USH1C: variants seen among roughly 807,000 people sequenced by gnomAD.
USH1C encodes USH1 protein network component harmonin.
Under a neutral mutation model 119.3 loss-of-function variants are expected in USH1C, and 90 were observed. The ratio of observed to expected loss-of-function variants is 0.75; its 90% CI spans 0.64 to 0.90. The LOEUF is 0.90. Among genes scored for constraint, USH1C ranks in the 40% least tolerant of loss-of-function variants. USH1C has a pLI of 0.00. For synonymous variants in USH1C, 465 were observed against 443.3 expected, an observed-to-expected ratio of 1.05 and a Z score of -0.62; for missense variants, 1,165 against 1,167.7, an observed-to-expected ratio of 1.00 and a Z score of 0.03.
chr11:17,544,381 G>GCCGCGA lies in USH1C; in HGVS notation c.-80_-75dup, dbSNP rs1851612000. 9 of 1,606,286 alleles carry GCCGCGA rather than the reference G, an allele frequency of 5.6e-6. No individual in the cohort carries two copies. In the South Asian group the frequency reaches 9.9e-5, roughly 18 times the overall value. On this transcript the variant is annotated 5_prime_UTR_variant, in exon 1 of 27. Transcript: ENST00000005226. ...GCCCGGCTGCCAGGAGCTGGAAAGAGCCGCGACCGCGACCGGGCCAGCCGC... is the reference window on the plus strand; with the variant it reads ...GCCCGGCTGCCAGGAGCTGGAAAGAGCCGCGACCGCGACCGCGACCGGGCCAGCCGC...
Position 17,531,678 on chromosome 11 carries a change from G to T in USH1C, c.105-136C>A. The T allele has an allele frequency of 8.6e-7, 1 of 1,156,986 alleles. No homozygotes were observed. Among genetic ancestry groups the T allele is most frequent in the Non-Finnish European group, 1.2e-6 (1 of 808,530 alleles). 71.7% of individuals were successfully genotyped at this position (1,156,986 alleles called of 1,614,324 possible). Reference sequence around the variant, plus strand: ...GTAGACCACTCCTGAAAAGCCCAGAGCTCTTCACACCGGGCCAGTGCCTGA... The same window carrying T: ...GTAGACCACTCCTGAAAAGCCCAGATCTCTTCACACCGGGCCAGTGCCTGA... On this transcript the variant is annotated intron_variant, in intron 2 of 26. Transcript: ENST00000005226. The surrounding 1 kb of genome is among the most constrained non-coding windows in gnomAD (Gnocchi z 4.2).
chr11:17,497,289 G>C (rs1227788196), intron 24 of USH1C, among the ~76,000 whole-genome samples: 1 of 152,060 alleles, frequency 6.6e-6, no homozygotes, highest in Non-Finnish European at 1.5e-5. Flanking sequence ...TCCTTGACTT[G>C]CCCCTCATTC....
At chr11:17,496,027 A>G (rs1849237501) in intron 25 of USH1C, among the ~76,000 whole-genome samples, 4 of 152,104 alleles carry the variant, frequency 2.6e-5, no homozygotes, top group Non-Finnish European at 4.4e-5. Context: ...AGAGGTAAGA[A>G]TGGATGCAGA....
intron 15 of USH1C, among the ~76,000 whole-genome samples, chr11:17,515,472 TCTGGGGGA>T (rs1430642387): frequency 6.6e-6 from 1 of 152,208 alleles, no homozygotes; most frequent in African/African-American, 2.4e-5. Context: ...TGCTCTGGTT[TCTGGGGGA>T]CTGACATCTT....
chr11:17,531,930 A>G lies in USH1C; in HGVS notation c.105-388T>C, dbSNP rs952400361. Among the ~76,000 whole-genome samples, 11 of 152,080 alleles carry G rather than the reference A, an allele frequency of 7.2e-5. No homozygotes were observed. Among genetic ancestry groups the G allele is most frequent in the African/African-American group, 2.7e-4 (11 of 41,404 alleles). On this transcript the variant is annotated intron_variant, in intron 2 of 26. Transcript: ENST00000005226. This position sits in a 1 kb window ranked among gnomAD's most constrained non-coding sequence, Gnocchi z 4.2. ...TAAGCTCTGTCAATTTCACCTCACC[A>G]CAGTTCACATGCCTCCTCCCTCATG... is the stretch of plus-strand genomic sequence containing the variant.
chr11:17,497,756 C>T (rs1849294847), intron 24 of USH1C, among the ~76,000 whole-genome samples: 1 of 152,228 alleles, frequency 6.6e-6, no homozygotes, highest in South Asian at 2.1e-4. Flanking sequence ...AGGTGGGTGT[C>T]TAATGAGTGC....
chr11:17,522,897 C>T lies in USH1C; in HGVS notation c.906G>A (p.Glu302=), dbSNP rs779617355. The T allele has an allele frequency of 5.6e-6, 9 of 1,612,762 alleles. No homozygotes were observed. The African/African-American group carries it at 1.2e-4, about 22-fold the overall frequency. ...AGRELFMTDR[E]RLAEARQREL... ...CACGCTGCCGCGCCTCTGCCAGCCG[C>T]TCCCGGTCTGTCATGAACAGCTCCC... is the stretch of plus-strand genomic sequence containing the variant. The change falls in exon 12 of 27, where the codon GAG becomes GAA. Residue 302 remains glutamate (E), a synonymous_variant. Transcript: ENST00000005226.
At chr11:17,494,623 G>A (rs1849181344) in intron 26 of USH1C, 1 of 586,822 alleles carries the variant, frequency 1.7e-6, no homozygotes. Context: ...GGGAGGAACA[G>A]GGGCAAGAGT....
chr11:17,533,393 G>C (rs552803698), intron 1 of USH1C, 71 bp from the exon 2 acceptor site: 1 of 1,168,708 alleles, frequency 8.6e-7, no homozygotes, highest in Non-Finnish European at 1.3e-6. Context: ...TCAGGGAGGA[G>C]AGGTCATCCC....
chr11:17,513,474 G>A (rs1379019488), intron 15 of USH1C, among the ~76,000 whole-genome samples: 1 of 152,112 alleles, frequency 6.6e-6, no homozygotes, highest in Non-Finnish European at 1.5e-5. Flanking sequence ...GGACTTGGTG[G>A]GCCATTATGG....
intron 14 of USH1C, among the ~76,000 whole-genome samples, chr11:17,516,855 A>G (rs1183570718): frequency 1.3e-5 from 2 of 152,184 alleles, no homozygotes; most frequent in African/African-American, 2.4e-5. Flanking sequence ...CTCCAGCAGG[A>G]GCGGGCAGGA....
At chr11:17,519,765 T>C (rs191067122) in intron 14 of USH1C, among the ~76,000 whole-genome samples, 15 of 152,118 alleles carry the variant, frequency 9.9e-5, no homozygotes, top group Admixed American at 7.2e-4. Flanking sequence ...CAGGAAGAAA[T>C]GTGTTGGGAG....
At chr11:17,523,040 C>G (rs1850489820) in intron 11 of USH1C, 114 bp from the exon 12 acceptor site, 1 of 1,580,466 alleles carries the variant, frequency 6.3e-7, no homozygotes, top group Non-Finnish European at 8.7e-7. Context: ...GGCACTGCGG[C>G]TCCCGCAATC....
At chr11:17,517,194 C>T (rs144070413) in intron 14 of USH1C, among the ~76,000 whole-genome samples, 8 of 152,312 alleles carry the variant, frequency 5.3e-5, no homozygotes, top group Non-Finnish European at 1.2e-4. Flanking sequence ...TGTGCAACAG[C>T]TGATCTACCA....
intron 14 of USH1C, among the ~76,000 whole-genome samples, chr11:17,520,218 C>T (rs549494647): frequency 2.7e-4 from 41 of 152,216 alleles, no homozygotes; most frequent in African/African-American, 9.1e-4. Flanking sequence ...GTGGTAGAGG[C>T]TTAGACTGAA....
At position 17,495,639 on chromosome 11, in the gene USH1C, G is replaced by A. The variant is rs749460267; in HGVS notation, c.2585C>T (p.Pro862Leu). The A allele has an allele frequency of 2.2e-5, 36 of 1,614,080 alleles. No individual in the cohort carries two copies. The highest frequency in any genetic ancestry group is 3.3e-4 in the Middle Eastern group (2 of 6,080). Reference sequence around the variant, plus strand: ...ACGGTCTTCAAGGAGCTTTCGGACCGGTTGGGGGCTTTCAGCTACGGAGGA... The same window carrying A: ...ACGGTCTTCAAGGAGCTTTCGGACCAGTTGGGGGCTTTCAGCTACGGAGGA... ...LPSSVAESPQPVRKLLEDRAA... is the reference protein window; with the variant it reads ...LPSSVAESPQLVRKLLEDRAA... The change falls in exon 26 of 27, where the codon CCG becomes CTG. Residue 862 changes from proline (P) to leucine (L), a missense_variant. By Grantham distance (98) the Pro-to-Leu change is moderately conservative (BLOSUM62 -3). Coordinates refer to ENST00000005226, the MANE Select transcript of USH1C (RefSeq NM_153676.4).
chr11:17,498,776 C>T (rs994308946), intron 23 of USH1C, among the ~76,000 whole-genome samples: 6 of 152,164 alleles, frequency 3.9e-5, no homozygotes, highest in African/African-American at 1.4e-4. Context: ...CTTGCCTATT[C>T]TCTCACAGCA....
chr11:17,535,296 G>A (rs1015007956), intron 1 of USH1C, among the ~76,000 whole-genome samples: 5 of 151,900 alleles, frequency 3.3e-5, no homozygotes, highest in African/African-American at 9.7e-5. Flanking sequence ...CCCACAGGCC[G>A]AACGCTCTCC....
In USH1C at chr11:17,494,394, C is replaced by T; in HGVS notation, c.2656-18G>A. The T allele has an allele frequency of 1.3e-6, 2 of 1,589,766 alleles. No homozygotes were observed. Among genetic ancestry groups the T allele is most frequent in the Middle Eastern group, 1.7e-4 (1 of 5,946 alleles). On this transcript the variant is annotated intron_variant, in intron 26 of 26. Coordinates refer to ENST00000005226, the MANE Select transcript of USH1C (RefSeq NM_153676.4). ...AGAAGGTCCTGCAGGGAAGTGGAAACAGCCCAGGTGGATACAGGCTTTGTG... is the reference window on the plus strand; with the variant it reads ...AGAAGGTCCTGCAGGGAAGTGGAAATAGCCCAGGTGGATACAGGCTTTGTG...
Sources: allele counts gnomAD v4.1 joint callset (sites outside exome capture counted in the v4.1 genomes callset), GRCh38; gene constraint gnomAD v4.1.1; non-coding constraint Gnocchi (gnomAD v3.1); transcripts MANE v1.5; gene names NCBI Gene and HGNC (gene_info 2026-07-23, HGNC 2026-07-21).